SFI1: variants seen among roughly 807,000 people sequenced by gnomAD.
SFI1 encodes the protein SFI1 centrin binding protein.
A neutral mutation model predicts 207.5 loss-of-function variants in SFI1; 195 were observed. The ratio of observed to expected loss-of-function variants is 0.94; its 90% CI spans 0.84 to 1.06. The LOEUF is 1.06. SFI1 is among the 50% of genes least tolerant of loss of function. The pLI is 0.00. For synonymous variants in SFI1, 630 were observed against 598.9 expected (o/e 1.05, Z -0.76); for missense variants, 1,634 against 1,588.0 (o/e 1.03, Z -0.49).
chr22:31,588,460 G>A (rs2065324701), intron 14 of SFI1, among the ~76,000 whole-genome samples: 1 of 152,166 alleles, frequency 6.6e-6, no homozygotes, highest in Non-Finnish European at 1.5e-5. Flanking sequence ...CAAGGGGAGG[G>A]AACATAGATC....
chr22:31,502,375 A>G (rs2053933866), intron 1 of SFI1, among the ~76,000 whole-genome samples: 1 of 151,210 alleles, frequency 6.6e-6, no homozygotes, highest in Admixed American at 6.6e-5. Flanking sequence ...ATTCAGGTTC[A>G]ATTTTTTTTT....
intron 6 of SFI1, among the ~76,000 whole-genome samples, chr22:31,554,687 G>A (rs2148109508): frequency 6.7e-6 from 1 of 150,216 alleles, no homozygotes; most frequent in East Asian, 2.0e-4. Flanking sequence ...GCTCACTGCA[G>A]CCTCTGCCTC....
intron 3 of SFI1, among the ~76,000 whole-genome samples, chr22:31,529,383 G>A (rs543933355): frequency 1.1e-4 from 16 of 152,182 alleles, no homozygotes; most frequent in Admixed American, 9.2e-4. Context: ...AAAATTAGCT[G>A]GGTGTGGTGG....
intron 7 of SFI1, among the ~76,000 whole-genome samples, chr22:31,557,520 G>A (rs1399878360): frequency 6.6e-6 from 1 of 152,066 alleles, no homozygotes; most frequent in Non-Finnish European, 1.5e-5. Context: ...GAACATAGTT[G>A]ATGCCTAATA....
chr22:31,598,735 T>TTTTTTTTTTTTTTC lies in SFI1; in HGVS notation c.1545-3473_1545-3472insTTTTTTTTTCTTTT, dbSNP rs2067586113. ...CCTGGCCTTTTTTTTTTTTTTTTTT[T>TTTTTTTTTTTTTTC]TTTTGATGAGCAGAAGTGTTTGAAT... On this transcript the variant is annotated intron_variant, in intron 15 of 32. Transcript: ENST00000400288. Among the ~76,000 whole-genome samples the TTTTTTTTTTTTTTC allele has an allele frequency of 5.2e-5, 7 of 135,558 alleles. 2 individuals carry two copies. The highest frequency in any genetic ancestry group is 9.4e-5 in the Non-Finnish European group (6 of 63,874). The allele number at this position is 135,558 out of a possible 152,430, so 88.9% of individuals were successfully genotyped here. A position where few individuals can be genotyped will look rare whatever the true frequency, so the allele number is the denominator to read the frequency against.
chr22:31,538,069 T>C (rs2059154615), intron 4 of SFI1, among the ~76,000 whole-genome samples: 1 of 152,162 alleles, frequency 6.6e-6, no homozygotes, highest in Admixed American at 6.5e-5. Flanking sequence ...CTTCCCGGGT[T>C]CAAGCAATTC....
intron 12 of SFI1, 33 bp downstream of exon 12, chr22:31,580,397 T>C (rs200147544): frequency 6.5e-7 from 1 of 1,542,934 alleles, no homozygotes. Context: ...AGGGACCTCT[T>C]CTGAAGGCCA....
chr22:31,580,231 A>G (rs770188280), intron 11 of SFI1, 41 bp from the exon 12 acceptor site: 1 of 1,524,294 alleles, frequency 6.6e-7, no homozygotes, highest in South Asian at 1.1e-5. Context: ...GACTCTACTG[A>G]TCCCAGTCCT....
At chr22:31,502,927 T>G (rs1290320906) in intron 1 of SFI1, among the ~76,000 whole-genome samples, 1 of 151,734 alleles carries the variant, frequency 6.6e-6, no homozygotes, top group Non-Finnish European at 1.5e-5. Flanking sequence ...CAGTCTAGCT[T>G]AGCCAGGTGT....
In SFI1 at chr22:31,566,556, G is replaced by A. The variant is rs9621284; in HGVS notation, c.765+5164G>A. Among the ~76,000 whole-genome samples the A allele has an allele frequency of 7.0e-3, 1,065 of 152,308 alleles. 20 individuals are homozygous for A. The highest frequency in any genetic ancestry group is 0.023 in the African/African-American group (963 of 41,556). On this transcript the variant is annotated intron_variant, in intron 8 of 32. Transcript: ENST00000400288. The stretch of plus-strand genomic sequence containing the variant: ...AGTCAGACTGTCCAAGTGGAATTCT[G>A]CCTCTATCACCTATTAGCTTTGTGC...
chr22:31,603,451 G>A (rs2068457049), intron 17 of SFI1, among the ~76,000 whole-genome samples: 1 of 152,186 alleles, frequency 6.6e-6, no homozygotes, highest in African/African-American at 2.4e-5. Flanking sequence ...TGTGTGTTCT[G>A]AGGATCTCAC....
At chr22:31,541,155 G>A (rs1057168946) in intron 4 of SFI1, among the ~76,000 whole-genome samples, 8 of 152,096 alleles carry the variant, frequency 5.3e-5, no homozygotes, top group Non-Finnish European at 8.8e-5. Context: ...CTCCTGATGC[G>A]TCTCATTTCC....
At position 31,531,145 on chromosome 22, in the gene SFI1, A is replaced by G. The variant is rs2058481517; in HGVS notation, c.338+16A>G. ...CTAAAGCCAGGTAGTATTAGCTCAGAACAACATAATTGTGTTGAGTTCATT... is the reference window on the plus strand; with the variant it reads ...CTAAAGCCAGGTAGTATTAGCTCAGGACAACATAATTGTGTTGAGTTCATT... On this transcript the variant is annotated intron_variant, in intron 4 of 32. Coordinates refer to ENST00000400288, the MANE Select transcript of SFI1 (RefSeq NM_001007467.3). The G allele has an allele frequency of 6.3e-7, 1 of 1,595,214 alleles. No homozygotes were observed. Among genetic ancestry groups the G allele is most frequent in the African/African-American group, 1.3e-5 (1 of 74,244 alleles).
intron 11 of SFI1, chr22:31,580,064 T>C: frequency 4.0e-6 from 2 of 504,970 alleles, no homozygotes; most frequent in Non-Finnish European, 7.1e-6. Context: ...CAAATATTTA[T>C]TAAGTGCCTG....
intron 2 of SFI1, among the ~76,000 whole-genome samples, chr22:31,510,330 G>A (rs181668124): frequency 9.7e-4 from 148 of 152,216 alleles, no homozygotes; most frequent in African/African-American, 3.3e-3. Flanking sequence ...AAAGTGCTGG[G>A]ATTACAGGTG....
Position 31,618,168 on chromosome 22 carries a change from A to G in SFI1, c.3566A>G (p.Glu1189Gly), listed in dbSNP as rs767573852. Reference protein sequence around the residue: ...SLRRWLELNREEPGPEDQEVE... With the variant: ...SLRRWLELNRGEPGPEDQEVE... ...CGCAGGTGGCTGGAGCTGAACAGAG[A>G]GGAGCCGGGGCCTGAGGACCAGGAA... is the stretch of plus-strand genomic sequence containing the variant. The change falls in exon 32 of 33, where the codon GAG (glutamate) becomes GGG (glycine). Residue 1189 changes from glutamate (E) to glycine (G), a missense_variant. Glu to Gly is a moderately conservative substitution (Grantham distance 98). Coordinates refer to ENST00000400288, the MANE Select transcript of SFI1 (RefSeq NM_001007467.3). 4 of 1,594,186 alleles carry G rather than the reference A, an allele frequency of 2.5e-6. No homozygotes were observed. In the Admixed American group the frequency reaches 5.4e-5, roughly 21 times the overall value.
intron 15 of SFI1, among the ~76,000 whole-genome samples, chr22:31,600,129 C>T (rs1462250243): frequency 2.0e-5 from 3 of 152,104 alleles, no homozygotes; most frequent in Non-Finnish European, 4.4e-5. Flanking sequence ...TTCAAGCAAT[C>T]CTCCTGCCTC....
At chr22:31,562,983 T>TTTTATATATATATATATATA (rs1293259859) in intron 8 of SFI1, among the ~76,000 whole-genome samples, 4 of 142,302 alleles carry the variant, frequency 2.8e-5, no homozygotes, top group African/African-American at 5.2e-5. Context: ...TCATCATCTT[T>TTTTATATATATATATATATA]TATATATATA....
chr22:31,604,223 G>T, intron 18 of SFI1, 86 bp from the exon 19 acceptor site: 1 of 992,202 alleles, frequency 1.0e-6, no homozygotes, highest in Non-Finnish European at 1.5e-6. Context: ...CACTCACACA[G>T]ATGATGTATA....
Sources: allele counts gnomAD v4.1 joint callset (sites outside exome capture counted in the v4.1 genomes callset), GRCh38; gene constraint gnomAD v4.1.1; transcripts MANE v1.5; gene names NCBI Gene and HGNC (gene_info 2026-07-23, HGNC 2026-07-21).